Variants in HIRA observed in about 807,000 individuals in gnomAD.
HIRA encodes protein HIRA.
Under a neutral mutation model 126.6 loss-of-function variants are expected in HIRA, and 13 were observed. That is an observed-to-expected ratio of 0.10 (90% confidence interval 0.07 to 0.16). The LOEUF is 0.16. HIRA is among the 10% of genes least tolerant of loss of function. HIRA has a pLI of 1.00. For synonymous variants in HIRA, 511 were observed against 520.0 expected (o/e 0.98, Z 0.24); for missense variants, 834 against 1,314.4 (o/e 0.63, Z 5.65).
At chr22:19,350,298 C>G (rs1263430211) in intron 24 of HIRA, among the ~76,000 whole-genome samples, 3 of 152,188 alleles carry the variant, frequency 2.0e-5, no homozygotes, top group African/African-American at 7.2e-5. Context: ...TGCTGCCTGC[C>G]CTATGCCTAT....
At chr22:19,340,363 A>C (rs926965085) in intron 24 of HIRA, among the ~76,000 whole-genome samples, 2 of 152,150 alleles carry the variant, frequency 1.3e-5, no homozygotes, top group Non-Finnish European at 2.9e-5. Context: ...TAGAATGGAA[A>C]TACCTCAAGG....
intron 24 of HIRA, among the ~76,000 whole-genome samples, chr22:19,348,427 T>C (rs544544040): frequency 2.6e-5 from 4 of 152,170 alleles, no homozygotes; most frequent in African/African-American, 9.6e-5. Context: ...ACTAAGATTA[T>C]TATGCTAAAG....
Position 19,331,418 on chromosome 22 carries a change from A to T in HIRA, c.*22T>A. The T allele has an allele frequency of 6.2e-7, 1 of 1,613,658 alleles. No homozygotes were observed. Among genetic ancestry groups the T allele is most frequent in the Non-Finnish European group, 8.5e-7 (1 of 1,179,962 alleles). ...GAGAGTGTGGCCCTGCCCTTGCTGC[A>T]GCCAGGGCAGGCTGGGGCAGGCTAC... On this transcript the variant is annotated 3_prime_UTR_variant, in exon 25 of 25. Coordinates refer to ENST00000263208, the MANE Select transcript of HIRA (RefSeq NM_003325.4).
chr22:19,402,446 TTC>T (rs1259495174), intron 5 of HIRA, among the ~76,000 whole-genome samples: 1 of 152,348 alleles, frequency 6.6e-6, no homozygotes, highest in African/African-American at 2.4e-5. Context: ...CTCTGTATAA[TTC>T]TCTTTTTATC....
At chr22:19,341,752 A>C (rs58954782) in intron 24 of HIRA, among the ~76,000 whole-genome samples, 10,924 of 152,304 alleles carry the variant, frequency 0.072, 441 homozygotes, top group Middle Eastern at 0.17. Flanking sequence ...AGCCACATAT[A>C]GAAGAATGAA....
intron 5 of HIRA, among the ~76,000 whole-genome samples, chr22:19,404,393 C>T (rs1248608016): frequency 1.3e-5 from 2 of 152,188 alleles, no homozygotes; most frequent in South Asian, 2.1e-4. Flanking sequence ...CTTGGGCACC[C>T]TCATAGACAT....
chr22:19,396,800 T>C lies in HIRA; in HGVS notation c.641A>G (p.Lys214Arg). Residue 214 changes from lysine to arginine, a missense_variant, in exon 7 of 25, where the codon AAG becomes AGG. Around this residue, in one of 5 missense-constraint regions of HIRA, gnomAD observed 53 missense variants for 163.7 expected, o/e 0.32. Coordinates refer to ENST00000263208, the MANE Select transcript of HIRA (RefSeq NM_003325.4). ...LDWQLETSIT[K>R]PFDECGGTTH... ...GTCCCCACTTACCTCATCAAAAGGC[T>C]TGGTGATGCTGGTCTCCAACTGCCA... is the stretch of plus-strand genomic sequence containing the variant. 1 of 1,614,106 alleles carries C rather than the reference T, an allele frequency of 6.2e-7. No individual in the cohort carries two copies. Among genetic ancestry groups the C allele is most frequent in the East Asian group, 2.2e-5 (1 of 44,862 alleles).
At chr22:19,399,321 GT>G (rs1170964370) in intron 5 of HIRA, 1 of 178,956 alleles carries the variant, frequency 5.6e-6, no homozygotes, top group African/African-American at 2.5e-5. Flanking sequence ...ATTTTTTCCA[GT>G]TAAAAAAAAA....
chr22:19,420,040 T>TTGTGTGTG (rs59900884), intron 1 of HIRA, among the ~76,000 whole-genome samples: 15 of 147,224 alleles, frequency 1.0e-4, no homozygotes, highest in South Asian at 2.2e-4. Flanking sequence ...CATACAACCA[T>TTGTGTGTG]TGTGTGTGTG....
intron 15 of HIRA, among the ~76,000 whole-genome samples, chr22:19,373,557 G>A (rs1361763860): frequency 6.6e-6 from 1 of 152,174 alleles, no homozygotes; most frequent in Non-Finnish European, 1.5e-5. Flanking sequence ...ACGTCAATTA[G>A]ACCAGGATTT....
intron 24 of HIRA, among the ~76,000 whole-genome samples, chr22:19,331,882 T>C (rs551106269): frequency 2.6e-5 from 4 of 152,282 alleles, no homozygotes; most frequent in Admixed American, 6.5e-5. Flanking sequence ...AGAACAAGGC[T>C]GAGGGTCAGG....
chr22:19,371,982 G>A (rs1378593734), intron 15 of HIRA, among the ~76,000 whole-genome samples: 5 of 152,172 alleles, frequency 3.3e-5, no homozygotes, highest in Admixed American at 3.3e-4. Context: ...TATGTATCTA[G>A]GTGTGGGAAC....
intron 1 of HIRA, among the ~76,000 whole-genome samples, chr22:19,422,378 G>A (rs1286071718): frequency 6.6e-6 from 1 of 151,846 alleles, no homozygotes; most frequent in Non-Finnish European, 1.5e-5. Flanking sequence ...CCAGTAGTTG[G>A]CATTATAACT....
chr22:19,423,621 A>C (rs534657177), intron 1 of HIRA, among the ~76,000 whole-genome samples: 1 of 152,216 alleles, frequency 6.6e-6, no homozygotes, highest in East Asian at 1.9e-4. Flanking sequence ...GTCTGCTCCA[A>C]CGTAGGTCTA....
At chr22:19,402,157 T>C (rs1399243096) in intron 5 of HIRA, among the ~76,000 whole-genome samples, 2 of 152,224 alleles carry the variant, frequency 1.3e-5, no homozygotes. Context: ...TCAAATCTCC[T>C]ATACTACTCA....
intron 5 of HIRA, among the ~76,000 whole-genome samples, chr22:19,398,807 T>C (rs1174830564): frequency 6.6e-6 from 1 of 151,868 alleles, no homozygotes; most frequent in Admixed American, 6.6e-5. Flanking sequence ...CAAAACCCTA[T>C]CTCTACAAAA....
intron 24 of HIRA, among the ~76,000 whole-genome samples, chr22:19,343,432 G>A (rs180924504): frequency 6.6e-4 from 100 of 151,922 alleles, no homozygotes; most frequent in African/African-American, 2.2e-3. Context: ...GCATGGTGGC[G>A]CACATCTGTG....
intron 21 of HIRA, among the ~76,000 whole-genome samples, chr22:19,355,540 C>T (rs1298035114): frequency 6.6e-6 from 1 of 152,188 alleles, no homozygotes. Flanking sequence ...TGCAGGAGGA[C>T]AGTGCTCCTG....
Position 19,394,460 on chromosome 22 carries a change from T to C in HIRA, c.704A>G (p.His235Arg). ...VLRLSWSPDG[H>R]YLVSAHAMNN... ...CATGGCATGGGCAGACACCAGGTAA[T>C]GCCCATCAGGTGACCAGCTGAGCCG... Residue 235 changes from histidine to arginine, a missense_variant, in exon 8 of 25, where the codon CAT becomes CGT. Physicochemically the swap from His to Arg is conservative, Grantham distance 29. Around this residue, in one of 5 missense-constraint regions of HIRA, gnomAD observed 53 missense variants for 163.7 expected, o/e 0.32. Transcript: ENST00000263208. The C allele has an allele frequency of 6.2e-7, 1 of 1,614,144 alleles. No homozygotes were observed.
Sources: gnomAD v4.1 joint callset for allele counts (sites outside exome capture counted in the v4.1 genomes callset) on GRCh38, gnomAD v4.1.1 for gene constraint, gnomAD v4.1.1 regional missense constraint, MANE v1.5 for transcripts, NCBI Gene and HGNC (gene_info 2026-07-23, HGNC 2026-07-21) for gene names.